SLC1A6: variants seen among roughly 807,000 people sequenced by gnomAD.
SLC1A6 encodes the protein solute carrier family 1 member 6.
A neutral mutation model predicts 42.1 loss-of-function variants in SLC1A6; 15 were observed. That is an observed-to-expected ratio of 0.36 (90% confidence interval 0.24 to 0.55). The LOEUF is 0.55. SLC1A6 is among the 20% of genes least tolerant of loss of function. SLC1A6 has a pLI of 0.88. For missense variants in SLC1A6, 542 were observed against 772.5 expected, an observed-to-expected ratio of 0.70 and a Z score of 3.54; for synonymous variants, 317 against 319.7, an observed-to-expected ratio of 0.99 and a Z score of 0.09.
chr19:14,972,966 CCG>C, intron 1 of SLC1A6, 49 bp from the exon 2 acceptor site: 1 of 1,421,138 alleles, frequency 7.0e-7, no homozygotes, highest in South Asian at 1.3e-5. Context: ...GGACAGAAGG[CCG>C]GCGTGGGCAG....
At chr19:14,985,029 G>A (rs941556434) in intron 1 of SLC1A6, among the ~76,000 whole-genome samples, 3 of 152,202 alleles carry the variant, frequency 2.0e-5, no homozygotes, top group Admixed American at 6.5e-5. Context: ...TTACAGGTGC[G>A]TGCCACCATG....
At chr19:14,957,176 T>C (rs1182478879) in intron 6 of SLC1A6, among the ~76,000 whole-genome samples, 1 of 152,202 alleles carries the variant, frequency 6.6e-6, no homozygotes. Context: ...CAGTGCCTGT[T>C]ATCACTCATT....
intron 4 of SLC1A6, 42 bp downstream of exon 4, chr19:14,968,261 C>T (rs1262028413): frequency 6.8e-7 from 1 of 1,461,910 alleles, no homozygotes; most frequent in African/African-American, 1.4e-5. Flanking sequence ...ATAAAGTCTC[C>T]TTTTTCAAAT....
At chr19:14,962,652 C>G (rs1038714240) in intron 5 of SLC1A6, among the ~76,000 whole-genome samples, 1 of 152,168 alleles carries the variant, frequency 6.6e-6, no homozygotes, top group Non-Finnish European at 1.5e-5. Flanking sequence ...CGCCTGTAAT[C>G]CCAGCACTTT....
At chr19:14,965,604 C>G (rs184619245) in intron 4 of SLC1A6, among the ~76,000 whole-genome samples, 1 of 152,216 alleles carries the variant, frequency 6.6e-6, no homozygotes, top group African/African-American at 2.4e-5. Flanking sequence ...AATCCCAGCA[C>G]TTTGGAAGGC....
chr19:14,969,602 G>A (rs1157317993), intron 3 of SLC1A6, among the ~76,000 whole-genome samples: 3 of 152,256 alleles, frequency 2.0e-5, no homozygotes, highest in Admixed American at 1.3e-4. Context: ...ACTTCCTTGC[G>A]AGTTTCTCTT....
chr19:14,987,509 T>C (rs993621444), intron 1 of SLC1A6, among the ~76,000 whole-genome samples: 2 of 151,540 alleles, frequency 1.3e-5, no homozygotes, highest in African/African-American at 4.8e-5. Flanking sequence ...ATAATTATAA[T>C]CAGGAAAAGA....
At chr19:14,982,767 A>G (rs1003250522), upstream of SLC1A6, among the ~76,000 whole-genome samples, 1 of 152,242 alleles carries the variant, frequency 6.6e-6, no homozygotes, top group Non-Finnish European at 1.5e-5. Context: ...GGAGATCCCA[A>G]AGAGCTTTTC....
Position 14,968,375 on chromosome 19 carries a change from G to A in SLC1A6, c.476C>T (p.Ser159Phe). 1 of 1,613,836 alleles carries A rather than the reference G, an allele frequency of 6.2e-7. No homozygotes were observed. The highest frequency in any genetic ancestry group is 1.7e-5 in the Admixed American group (1 of 59,980). The change falls in exon 4 of 10, where the codon TCC becomes TTC. Residue 159 changes from serine to phenylalanine, a missense_variant. Physicochemically the swap from Ser to Phe is radical, Grantham distance 155. This residue lies in a region of SLC1A6 where 298 missense variants were observed against 419.4 expected (regional missense o/e 0.71). Coordinates refer to ENST00000594383, the MANE Select transcript of SLC1A6 (RefSeq NM_005071.3). The part of the protein sequence containing the change: ...MVTIIHPGKG[S>F]KEGLHREGRI... Reference sequence around the variant, plus strand: ...GCCCTCCCGGTGCAGCCCCTCCTTGGAGCCCTTCCCGGGATGGATGATGGT... The same window carrying A: ...GCCCTCCCGGTGCAGCCCCTCCTTGAAGCCCTTCCCGGGATGGATGATGGT...
chr19:15,006,417 C>G (rs935550418), intron 1 of SLC1A6, among the ~76,000 whole-genome samples: 3 of 152,124 alleles, frequency 2.0e-5, no homozygotes, highest in Non-Finnish European at 2.9e-5. Context: ...TGTGCTAACC[C>G]CATATTCCCA....
At position 14,972,736 on chromosome 19, in the gene SLC1A6, T is replaced by A; in HGVS notation, c.175A>T (p.Ile59Phe). ...VLRFLRRNAF[I>F]LLTVSAVVIG... ...ACCACGGCGCTGACCGTCAGCAGAA[T>A]GAAGGCGTTTCGGCGCAGGAAGCGC... The change falls in exon 2 of 10, where the codon ATT (isoleucine) becomes TTT (phenylalanine). Residue 59 changes from isoleucine (I) to phenylalanine (F), a missense_variant. This residue lies in a region of SLC1A6 where 88 missense variants were observed against 85.5 expected (regional missense o/e 1.03). Coordinates refer to ENST00000594383, the MANE Select transcript of SLC1A6 (RefSeq NM_005071.3). 1 of 1,614,016 alleles carries A rather than the reference T, an allele frequency of 6.2e-7. No homozygotes were observed. Among genetic ancestry groups the A allele is most frequent in the Non-Finnish European group, 8.5e-7 (1 of 1,180,024 alleles).
chr19:15,004,024 TG>T (rs369793873), intron 1 of SLC1A6, among the ~76,000 whole-genome samples: 2 of 151,894 alleles, frequency 1.3e-5, no homozygotes, highest in Non-Finnish European at 2.9e-5. Context: ...GGCGTGGTGG[TG>T]GGCCCCTGTA....
At chr19:14,996,870 C>A (rs2045850032) in intron 1 of SLC1A6, among the ~76,000 whole-genome samples, 1 of 152,044 alleles carries the variant, frequency 6.6e-6, no homozygotes, top group African/African-American at 2.4e-5. Context: ...AGAAAGGATG[C>A]ACCCCTCCAA....
At chr19:14,954,486 G>A (rs935789381) in intron 7 of SLC1A6, among the ~76,000 whole-genome samples, 157 bp from the exon 8 acceptor site, 1 of 152,094 alleles carries the variant, frequency 6.6e-6, no homozygotes, top group Admixed American at 6.6e-5. Flanking sequence ...CTGAGAATGG[G>A]TAGGGCTGGG....
At chr19:14,954,057 T>TA in intron 8 of SLC1A6, 78 bp downstream of exon 8, 1 of 997,540 alleles carries the variant, frequency 1.0e-6, no homozygotes. Flanking sequence ...GGCCCCCTCC[T>TA]CCCTCCCCAA....
intron 1 of SLC1A6, among the ~76,000 whole-genome samples, chr19:14,990,513 T>C (rs553093713): frequency 6.6e-6 from 1 of 152,210 alleles, no homozygotes; most frequent in Non-Finnish European, 1.5e-5. Flanking sequence ...CTCATGCCTG[T>C]AGTCCCAGCA....
At chr19:14,961,979 C>T (rs763649330) in intron 6 of SLC1A6, 23 bp downstream of exon 6, 70 of 1,587,962 alleles carry the variant, frequency 4.4e-5, no homozygotes, top group Non-Finnish European at 5.7e-5. Flanking sequence ...TCCACCATCC[C>T]GTGGGCACAG....
chr19:15,009,993 C>T (rs1600047079), intron 1 of SLC1A6, among the ~76,000 whole-genome samples: 1 of 145,250 alleles, frequency 6.9e-6, no homozygotes, highest in Non-Finnish European at 1.5e-5. Flanking sequence ...GCCTGGCCAA[C>T]ATGGCGAAAC....
intron 1 of SLC1A6, among the ~76,000 whole-genome samples, chr19:14,989,805 A>G (rs2045810736): frequency 7.0e-6 from 1 of 143,478 alleles, no homozygotes; most frequent in African/African-American, 2.8e-5. Context: ...CAGCCTGGCC[A>G]ACATGGTGAA....
Sources: allele counts gnomAD v4.1 joint callset (sites outside exome capture counted in the v4.1 genomes callset), GRCh38; gene constraint gnomAD v4.1.1; regional missense constraint gnomAD v4.1.1; transcripts MANE v1.5; gene names NCBI Gene and HGNC (gene_info 2026-07-23, HGNC 2026-07-21).